The following GLIS3 variants were observed in gnomAD, a reference collection of about 807,000 sequenced individuals.
GLIS3 encodes GLIS family zinc finger 3.
In GLIS3, 53 loss-of-function variants were observed where a neutral mutation model predicts 78.6. The ratio of observed to expected loss-of-function variants is 0.67; its 90% confidence interval spans 0.54 to 0.85. The LOEUF is 0.85. Among genes scored for constraint, GLIS3 ranks in the 40% least tolerant of loss-of-function variants. The pLI is 0.00. For synonymous variants in GLIS3, 684 were observed against 509.9 expected, an observed-to-expected ratio of 1.34 and a Z score of -4.60; for missense variants, 1,703 against 1,231.1, an observed-to-expected ratio of 1.38 and a Z score of -5.74.
At chr9:4,363,215 G>C in the GLIS3 span, among the ~76,000 whole-genome samples, 1 of 152,144 alleles carries the variant, frequency 6.6e-6, no homozygotes, top group Non-Finnish European at 1.5e-5. Context: ...TTGAGGTCAG[G>C]AGTTCAAGAC....
At chr9:4,227,485 C>T (rs573768941) in intron 2 of GLIS3, among the ~76,000 whole-genome samples, 2 of 152,058 alleles carry the variant, frequency 1.3e-5, no homozygotes, top group East Asian at 3.9e-4. Flanking sequence ...AATATGGGGC[C>T]GATCAGTATT....
chr9:4,167,332 AT>A (rs536600144), intron 2 of GLIS3, among the ~76,000 whole-genome samples: 2 of 151,876 alleles, frequency 1.3e-5, no homozygotes, highest in African/African-American at 2.4e-5. Context: ...ATTCTTGGGA[AT>A]TTTTTTTTAT....
At chr9:3,855,942 C>A (rs771733789) in intron 9 of GLIS3, 67 bp downstream of exon 9, 1 of 1,548,008 alleles carries the variant, frequency 6.5e-7, no homozygotes, top group Admixed American at 1.7e-5. Context: ...CGACAGGTAA[C>A]TAAGATGAAA....
chr9:4,260,459 C>T (rs563191812), intron 2 of GLIS3, among the ~76,000 whole-genome samples: 2 of 151,036 alleles, frequency 1.3e-5, no homozygotes, highest in South Asian at 2.1e-4. Flanking sequence ...CCCAGCTACT[C>T]GGGAGGCTGA....
chr9:4,080,458 T>A (rs1374264727), intron 4 of GLIS3, among the ~76,000 whole-genome samples: 1 of 152,168 alleles, frequency 6.6e-6, no homozygotes, highest in African/African-American at 2.4e-5. Context: ...GAACAAATTA[T>A]CAAAATTTTA....
At chr9:3,842,167 C>T (rs1415571699) in intron 9 of GLIS3, among the ~76,000 whole-genome samples, 1 of 152,132 alleles carries the variant, frequency 6.6e-6, no homozygotes, top group African/African-American at 2.4e-5. Context: ...CAGCCTGGTT[C>T]TATAGCTTTT....
At chr9:4,181,469 G>A (rs910815421) in intron 2 of GLIS3, among the ~76,000 whole-genome samples, 1 of 152,264 alleles carries the variant, frequency 6.6e-6, no homozygotes, top group Non-Finnish European at 1.5e-5. Context: ...TTACACAGAG[G>A]GGTGGGACCC....
At chr9:3,991,353 A>C (rs1014480286) in intron 4 of GLIS3, among the ~76,000 whole-genome samples, 1 of 152,206 alleles carries the variant, frequency 6.6e-6, no homozygotes, top group Non-Finnish European at 1.5e-5. Flanking sequence ...AAAAGGGTTC[A>C]CAGCAGATGT....
intron 4 of GLIS3, among the ~76,000 whole-genome samples, chr9:3,964,662 C>G (rs1397103506): frequency 6.6e-6 from 1 of 152,160 alleles, no homozygotes; most frequent in Non-Finnish European, 1.5e-5. Context: ...GCCTGTCATG[C>G]TGGAATACTG....
chr9:4,044,433 GGTCTCTCATA>G (rs1316460046), intron 4 of GLIS3, among the ~76,000 whole-genome samples: 7 of 152,092 alleles, frequency 4.6e-5, no homozygotes, highest in Non-Finnish European at 1.0e-4. Flanking sequence ...GTCTCTCTCT[GGTCTCTCATA>G]GTCTCTCATT....
chr9:4,443,974 A>G, the GLIS3 span, among the ~76,000 whole-genome samples: 5 of 152,162 alleles, frequency 3.3e-5, no homozygotes, highest in African/African-American at 1.2e-4. Flanking sequence ...ATGCTTCTCT[A>G]CAATACAGTC....
At chr9:4,295,373 G>T (rs1274512754) in intron 1 of GLIS3, among the ~76,000 whole-genome samples, 1 of 152,126 alleles carries the variant, frequency 6.6e-6, no homozygotes, top group Admixed American at 6.5e-5. Flanking sequence ...CTTCAGTTTG[G>T]TTAGTGTTTT....
chr9:4,393,427 C>G, the GLIS3 span, among the ~76,000 whole-genome samples: 1 of 152,166 alleles, frequency 6.6e-6, no homozygotes, highest in Non-Finnish European at 1.5e-5. Context: ...AAATTTAACA[C>G]TCACACAGTA....
At chr9:4,451,628 A>G in the GLIS3 span, among the ~76,000 whole-genome samples, 1 of 152,138 alleles carries the variant, frequency 6.6e-6, no homozygotes, top group African/African-American at 2.4e-5. Flanking sequence ...ACGTAAAATA[A>G]CAAAATCACG....
the GLIS3 span, among the ~76,000 whole-genome samples, chr9:4,448,913 A>G: frequency 2.0e-5 from 3 of 152,202 alleles, no homozygotes; most frequent in Non-Finnish European, 4.4e-5. Flanking sequence ...GGTGCAGAAG[A>G]CAGTGATTTC....
chr9:4,063,393 C>G (rs1826818905), intron 4 of GLIS3, among the ~76,000 whole-genome samples: 1 of 151,736 alleles, frequency 6.6e-6, no homozygotes, highest in Admixed American at 6.6e-5. Flanking sequence ...AGATTGAAAC[C>G]ACATCCTACC....
chr9:4,300,143 GCGGGCT>G (rs575259957), upstream of GLIS3, among the ~76,000 whole-genome samples: 42 of 151,390 alleles, frequency 2.8e-4, no homozygotes, highest in African/African-American at 9.7e-4. Context: ...AAGAGTGGGG[GCGGGCT>G]CGCGGGTCAC....
chr9:3,842,818 T>C (rs1818803899), intron 9 of GLIS3, among the ~76,000 whole-genome samples: 1 of 152,204 alleles, frequency 6.6e-6, no homozygotes, highest in South Asian at 2.1e-4. Context: ...CCAAGTGAAA[T>C]ACCAATTTAA....
chr9:4,416,812 G>GTTTTTTT, the GLIS3 span, among the ~76,000 whole-genome samples: 3 of 95,800 alleles, frequency 3.1e-5, no homozygotes, highest in African/African-American at 8.1e-5. Context: ...CCCATAGTCA[G>GTTTTTTT]TTTTTTTTTT....
Sources: allele counts gnomAD v4.1 joint callset (sites outside exome capture counted in the v4.1 genomes callset), GRCh38; gene constraint gnomAD v4.1.1; transcripts MANE v1.5; gene names NCBI Gene and HGNC (gene_info 2026-07-23, HGNC 2026-07-21).